SEC14L2: variants seen among roughly 807,000 people sequenced by gnomAD.
The protein encoded by SEC14L2 is SEC14-like protein 2.
SEC14L2 carries 50 observed loss-of-function variants against 56.9 expected under a neutral mutation model. The ratio of observed to expected loss-of-function variants is 0.88; its 90% confidence interval spans 0.70 to 1.11. The LOEUF is 1.11. SEC14L2 is among the 50% of genes most tolerant of loss of function. SEC14L2 has a pLI of 0.00. For missense variants in SEC14L2, 414 were observed against 500.7 expected (o/e 0.83, Z 1.65); for synonymous variants, 179 against 188.5 (o/e 0.95, Z 0.41).
intron 3 of SEC14L2, 54 bp downstream of exon 3, chr22:30,406,439 C>G: frequency 6.3e-7 from 1 of 1,578,974 alleles, no homozygotes; most frequent in Non-Finnish European, 8.7e-7. Flanking sequence ...TCACTCCTTG[C>G]GTGGACTTCT....
chr22:30,411,084 G>A (rs1404487629), intron 8 of SEC14L2, among the ~76,000 whole-genome samples: 2 of 151,828 alleles, frequency 1.3e-5, no homozygotes, highest in African/African-American at 4.8e-5. Flanking sequence ...GCAACAAAGC[G>A]AGACCCTGTC....
chr22:30,414,628 A>G (rs146746884), intron 8 of SEC14L2, among the ~76,000 whole-genome samples: 1 of 152,304 alleles, frequency 6.6e-6, no homozygotes, highest in African/African-American at 2.4e-5. Context: ...TATGCTCTAT[A>G]TAGTAGGCAT....
chr22:30,407,759 G>A (rs1049163211), intron 5 of SEC14L2, among the ~76,000 whole-genome samples, 156 bp downstream of exon 5: 1 of 151,370 alleles, frequency 6.6e-6, no homozygotes, highest in African/African-American at 2.4e-5. Context: ...AGTAGAGACG[G>A]GGTTTCATCA....
Position 30,423,717 on chromosome 22 carries a change from C to T in SEC14L2, c.*1310C>T, listed in dbSNP as rs1934586170. On this transcript the variant is annotated 3_prime_UTR_variant, in exon 12 of 12. Coordinates refer to ENST00000615189, the MANE Select transcript of SEC14L2 (RefSeq NM_012429.5). ...GAGGGAGCTCAGGGCAAAGGCCAGGCTAGCGCGGACCGGAAGGGGCCGAGG... is the reference window on the plus strand; with the variant it reads ...GAGGGAGCTCAGGGCAAAGGCCAGGTTAGCGCGGACCGGAAGGGGCCGAGG... The T allele has an allele frequency of 6.6e-6, 1 of 152,338 alleles. No individual in the cohort carries two copies. 9.4% of individuals were successfully genotyped at this position (152,338 alleles called of 1,614,324 possible).
intron 11 of SEC14L2, 25 bp from the exon 12 acceptor site, chr22:30,422,248 ATGTC>A (rs1569213551): frequency 1.9e-6 from 3 of 1,613,348 alleles, no homozygotes; most frequent in Non-Finnish European, 2.5e-6. Context: ...AACTGCCTGA[ATGTC>A]TGTCTGGTTT....
chr22:30,400,132 C>A (rs1933885541), intron 2 of SEC14L2: 1 of 167,742 alleles, frequency 6.0e-6, no homozygotes, highest in East Asian at 1.7e-4. Flanking sequence ...CCCTGCTATG[C>A]CCTAGTGTGA....
chr22:30,406,358 GCAGAAGTCGGAGGC>G lies in SEC14L2; in HGVS notation c.150_163del (p.Gln50HisfsTer15). On this transcript the variant is annotated frameshift_variant, in exon 3 of 12. Transcript: ENST00000615189. LOFTEE classifies it high-confidence loss of function. ...CTGTTACAGCCAGAAGCTTCGACCT[GCAGAAGTCGGAGGC>G]CATGCTCCGGAAGGTGAGACACATT... 2 of 1,613,938 alleles carry G rather than the reference GCAGAAGTCGGAGGC, an allele frequency of 1.2e-6. No individual in the cohort carries two copies. Among genetic ancestry groups the G allele is most frequent in the Non-Finnish European group, 1.7e-6 (2 of 1,179,982 alleles).
At chr22:30,415,212 ATC>A (rs1245908232) in intron 8 of SEC14L2, among the ~76,000 whole-genome samples, 1 of 152,162 alleles carries the variant, frequency 6.6e-6, no homozygotes, top group Non-Finnish European at 1.5e-5. Flanking sequence ...TGGGTGGATC[ATC>A]TGAGGTCAGG....
intron 2 of SEC14L2, 136 bp from the exon 3 acceptor site, chr22:30,406,206 T>C: frequency 1.3e-6 from 1 of 742,168 alleles, no homozygotes; most frequent in Admixed American, 2.4e-5. Flanking sequence ...AGCTTCTGCT[T>C]GTAGGATGGT....
chr22:30,415,819 G>A lies in SEC14L2; in HGVS notation c.725G>A (p.Gly242Glu). 5.0e-6 allele frequency: 8 copies of A among 1,614,152 alleles called. No homozygotes were observed. Among genetic ancestry groups the A allele is most frequent in the Non-Finnish European group, 6.8e-6 (8 of 1,180,022 alleles). Residue 242 changes from glycine (G) to glutamate (E), a missense_variant, in exon 9 of 12, where the codon GGG becomes GAG. Gly to Glu is a moderately conservative substitution (Grantham distance 98, BLOSUM62 -2). Coordinates refer to ENST00000615189, the MANE Select transcript of SEC14L2 (RefSeq NM_012429.5). ...CCTGACCAGGTGCCTGTGGAGTATG[G>A]GGGCACCATGACTGACCCTGATGGA... ...ISPDQVPVEYGGTMTDPDGNP... is the reference protein window; with the variant it reads ...ISPDQVPVEYEGTMTDPDGNP...
chr22:30,409,187 T>G lies in SEC14L2; in HGVS notation c.424T>G (p.Leu142Val). 2 of 1,613,614 alleles carry G rather than the reference T, an allele frequency of 1.2e-6. No individual in the cohort carries two copies. The highest frequency in any genetic ancestry group is 1.7e-6 in the Non-Finnish European group (2 of 1,179,648). The change falls in exon 6 of 12, where the codon TTG (leucine) becomes GTG (valine). Residue 142 changes from leucine (L) to valine (V), a missense_variant and splice_region_variant. Leu to Val is a conservative substitution (Grantham distance 32). Coordinates refer to ENST00000615189, the MANE Select transcript of SEC14L2 (RefSeq NM_012429.5). The stretch of plus-strand genomic sequence containing the variant: ...ACTTCCTGCTCTCTGTTCCCTGCAG[T>G]TGGGGAGGAAGGTGGAGACCATCAC... ...LQECAHQTTK[L>V]GRKVETITII...
chr22:30,404,694 T>C (rs1257793264), intron 2 of SEC14L2, among the ~76,000 whole-genome samples: 1 of 152,160 alleles, frequency 6.6e-6, no homozygotes, highest in Non-Finnish European at 1.5e-5. Context: ...AATGGAGGCT[T>C]AGCAGTGGCA....
At chr22:30,403,050 C>G (rs1451697987) in intron 2 of SEC14L2, among the ~76,000 whole-genome samples, 1 of 152,192 alleles carries the variant, frequency 6.6e-6, no homozygotes, top group African/African-American at 2.4e-5. Flanking sequence ...GCATTCCAAC[C>G]TGGGCGACAG....
chr22:30,415,983 T>C lies in SEC14L2; in HGVS notation c.807T>C (p.Tyr269=), dbSNP rs752731419. The C allele has an allele frequency of 6.2e-7, 1 of 1,614,246 alleles. No individual in the cohort carries two copies. Among genetic ancestry groups the C allele is most frequent in the East Asian group, 2.2e-5 (1 of 44,884 alleles). The stretch of plus-strand genomic sequence containing the variant: ...GGGGTGACATCCCCAGGAAGTATTA[T>C]GTGCGAGACCAGGTGAAACAGCAGT... ...NYGGDIPRKY[Y]VRDQVKQQYE... The change falls in exon 10 of 12, where the codon TAT becomes TAC. Residue 269 remains tyrosine (Y), a synonymous_variant. Coordinates refer to ENST00000615189, the MANE Select transcript of SEC14L2 (RefSeq NM_012429.5).
At chr22:30,397,240 G>A (rs1933780107) in intron 1 of SEC14L2, 70 bp downstream of exon 1, 2 of 1,363,654 alleles carry the variant, frequency 1.5e-6, no homozygotes, top group Non-Finnish European at 2.0e-6. Flanking sequence ...CAGCGAGAAG[G>A]GACGGGGCTG....
At chr22:30,404,836 C>G (rs1934046922) in intron 2 of SEC14L2, among the ~76,000 whole-genome samples, 1 of 151,984 alleles carries the variant, frequency 6.6e-6, no homozygotes, top group Non-Finnish European at 1.5e-5. Flanking sequence ...TTGGGAGGCC[C>G]AGGCGGGTGG....
At chr22:30,408,773 C>A (rs1028255084) in intron 5 of SEC14L2, among the ~76,000 whole-genome samples, 1 of 152,220 alleles carries the variant, frequency 6.6e-6, no homozygotes, top group Non-Finnish European at 1.5e-5. Flanking sequence ...AGAGACCCTG[C>A]GGAGCTGGGG....
chr22:30,416,569 C>T, intron 11 of SEC14L2, 166 bp downstream of exon 11: 2 of 1,501,088 alleles, frequency 1.3e-6, no homozygotes, highest in South Asian at 2.6e-5. Flanking sequence ...GCCTTGGAGA[C>T]TTGTTTATGG....
At chr22:30,409,098 G>T (rs776296284) in intron 5 of SEC14L2, 89 bp from the exon 6 acceptor site, 51 of 1,127,704 alleles carry the variant, frequency 4.5e-5, no homozygotes, top group Non-Finnish European at 6.1e-5. Flanking sequence ...TTGCTCTCTG[G>T]ATGCACAGTG....
Sources: allele counts gnomAD v4.1 joint callset (sites outside exome capture counted in the v4.1 genomes callset), GRCh38; gene constraint gnomAD v4.1.1; transcripts MANE v1.5; gene names NCBI Gene and HGNC (gene_info 2026-07-23, HGNC 2026-07-21).